The following AFF3 variants were observed in gnomAD, a reference collection of about 807,000 sequenced individuals.
The protein encoded by AFF3 is ALF transcription elongation factor 3.
In AFF3, 32 loss-of-function variants were observed where a neutral mutation model predicts 129.7. That is an observed-to-expected ratio of 0.25 (90% CI 0.19 to 0.33). The LOEUF (loss-of-function observed/expected upper bound fraction) is 0.33. Among genes scored for constraint, AFF3 ranks in the 10% least tolerant of loss-of-function variants. AFF3 has a pLI of 1.00. For missense variants in AFF3, 1,373 were observed against 1,592.0 expected (o/e 0.86, Z 2.34); for synonymous variants, 644 against 635.4 (o/e 1.01, Z -0.20).
intron 8 of AFF3, among the ~76,000 whole-genome samples, chr2:99,758,908 T>C (rs1682348686): frequency 6.6e-6 from 1 of 152,196 alleles, no homozygotes; most frequent in Admixed American, 6.5e-5. Context: ...ACCCTAGTAC[T>C]CAAGACCTTC....
chr2:99,903,232 T>C (rs913356905), intron 7 of AFF3, among the ~76,000 whole-genome samples: 5 of 152,180 alleles, frequency 3.3e-5, no homozygotes, highest in African/African-American at 7.2e-5. Context: ...ACGTAATAGA[T>C]TGTAAGACAC....
chr2:100,015,987 T>C (rs950647420), intron 4 of AFF3, among the ~76,000 whole-genome samples: 13 of 151,524 alleles, frequency 8.6e-5, no homozygotes, highest in Non-Finnish European at 1.6e-4. Context: ...ATGGTAGCAA[T>C]GGTGACAGTA....
At chr2:100,085,976 A>C (rs1689393656) in intron 4 of AFF3, among the ~76,000 whole-genome samples, 1 of 152,162 alleles carries the variant, frequency 6.6e-6, no homozygotes, top group Non-Finnish European at 1.5e-5. Context: ...TGGCAGGGCT[A>C]CTTGGCAGAT....
intron 4 of AFF3, among the ~76,000 whole-genome samples, chr2:100,045,988 T>G (rs1037036789): frequency 6.6e-6 from 1 of 152,190 alleles, no homozygotes; most frequent in African/African-American, 2.4e-5. Context: ...AATTTTTGAC[T>G]GCATGAGGGT....
At chr2:99,667,724 A>G (rs1284450968) in intron 12 of AFF3, among the ~76,000 whole-genome samples, 1 of 152,224 alleles carries the variant, frequency 6.6e-6, no homozygotes, top group African/African-American at 2.4e-5. Flanking sequence ...AAACAACCCT[A>G]TCCACATAAA....
chr2:99,840,763 G>A (rs1689258277), intron 7 of AFF3, among the ~76,000 whole-genome samples: 2 of 152,112 alleles, frequency 1.3e-5, no homozygotes, highest in South Asian at 4.1e-4. Flanking sequence ...TCCTTTTCCA[G>A]GGAAGCCTGA....
chr2:100,109,009 C>G (rs1430051528), intron 2 of AFF3, among the ~76,000 whole-genome samples: 2 of 128,490 alleles, frequency 1.6e-5, no homozygotes, highest in African/African-American at 5.8e-5. Context: ...ACATAATTCA[C>G]TTATATAGTC....
intron 1 of AFF3, among the ~76,000 whole-genome samples, chr2:100,130,815 G>C (rs1276630475): frequency 1.3e-5 from 2 of 152,042 alleles, no homozygotes; most frequent in Non-Finnish European, 2.9e-5. Flanking sequence ...AGAGACACTA[G>C]CAGTACCACA....
intron 7 of AFF3, among the ~76,000 whole-genome samples, chr2:99,912,636 T>C (rs1695176748): frequency 6.6e-6 from 1 of 152,042 alleles, no homozygotes; most frequent in South Asian, 2.1e-4. Context: ...ATGAAAGAGA[T>C]AGCTACATAC....
intron 4 of AFF3, among the ~76,000 whole-genome samples, chr2:100,040,008 C>G (rs1349896587): frequency 6.6e-6 from 1 of 152,194 alleles, no homozygotes; most frequent in Non-Finnish European, 1.5e-5. Flanking sequence ...ATTTCCAATG[C>G]AGATTCACTA....
At chr2:99,907,763 C>T (rs926914262) in intron 7 of AFF3, among the ~76,000 whole-genome samples, 3 of 152,036 alleles carry the variant, frequency 2.0e-5, no homozygotes, top group Admixed American at 6.6e-5. Context: ...CTCAGTCTCT[C>T]GATTGCAGGT....
At chr2:99,572,117 A>C (rs1052689850) in intron 18 of AFF3, among the ~76,000 whole-genome samples, 1 of 152,198 alleles carries the variant, frequency 6.6e-6, no homozygotes, top group Non-Finnish European at 1.5e-5. Flanking sequence ...AGTTTAATTA[A>C]ACACCATAAA....
At chr2:99,963,627 C>CAA (rs140675638) in intron 7 of AFF3, among the ~76,000 whole-genome samples, 21 of 148,678 alleles carry the variant, frequency 1.4e-4, no homozygotes, top group African/African-American at 4.9e-4. Context: ...TACTAAAAAA[C>CAA]AAAAAAAAAC....
intron 4 of AFF3, among the ~76,000 whole-genome samples, chr2:100,033,592 T>C (rs956210892): frequency 1.3e-5 from 2 of 152,178 alleles, no homozygotes; most frequent in African/African-American, 4.8e-5. Context: ...AACATTTTAA[T>C]TTTGGGAAGA....
At position 99,923,490 on chromosome 2, in the gene AFF3, G is replaced by T. The variant is rs571178584; in HGVS notation, c.873+83142C>A. On this transcript the variant is annotated intron_variant, in intron 7 of 24. Transcript: ENST00000672756. ...CCAAGTACTCTCAAGAGCCACAATTGCAAGCTCTATAAACTTAAGAGTAAA... is the reference window on the plus strand; with the variant it reads ...CCAAGTACTCTCAAGAGCCACAATTTCAAGCTCTATAAACTTAAGAGTAAA... Among the ~76,000 whole-genome samples, 78 of 152,284 alleles carry T rather than the reference G, an allele frequency of 5.1e-4. 1 individual carries two copies. The Middle Eastern group carries it at 0.01, about 20-fold the overall frequency.
At chr2:99,763,696 C>T (rs1365843678) in intron 8 of AFF3, among the ~76,000 whole-genome samples, 1 of 152,090 alleles carries the variant, frequency 6.6e-6, no homozygotes, top group African/African-American at 2.4e-5. Context: ...TGCCAGAAAC[C>T]AAAATTGCAA....
At chr2:99,757,630 G>C (rs898657571) in intron 8 of AFF3, among the ~76,000 whole-genome samples, 2 of 152,182 alleles carry the variant, frequency 1.3e-5, no homozygotes, top group African/African-American at 4.8e-5. Flanking sequence ...TCACCCAGCA[G>C]CTGGACTTAA....
At chr2:99,806,523 T>C (rs1159476645) in intron 8 of AFF3, among the ~76,000 whole-genome samples, 2 of 152,184 alleles carry the variant, frequency 1.3e-5, no homozygotes, top group African/African-American at 4.8e-5. Context: ...TCGCTCCCTA[T>C]GGCTCCCTAT....
intron 7 of AFF3, among the ~76,000 whole-genome samples, chr2:99,924,184 T>G (rs1696062732): frequency 6.6e-6 from 1 of 152,214 alleles, no homozygotes; most frequent in African/African-American, 2.4e-5. Flanking sequence ...TGTTCCACAC[T>G]GGACTGGGGG....
Sources: allele counts gnomAD v4.1 joint callset (sites outside exome capture counted in the v4.1 genomes callset), GRCh38; gene constraint gnomAD v4.1.1; transcripts MANE v1.5; gene names NCBI Gene and HGNC (gene_info 2026-07-23, HGNC 2026-07-21).